The following GPRASP3 variants were observed in gnomAD, a reference collection of about 807,000 sequenced individuals.
GPRASP3 encodes the protein G protein-coupled receptor associated sorting protein 3.
At chrX:102,742,082 A>T in the GPRASP3 span, among the ~76,000 whole-genome samples, 1 of 112,284 alleles carries the variant, frequency 8.9e-6, no homozygotes, top group Non-Finnish European at 1.9e-5. Context: ...AAATGAAGGC[A>T]TGCTTGCTAT....
At chrX:102,738,166 G>T in the GPRASP3 span, among the ~76,000 whole-genome samples, 8 of 112,236 alleles carry the variant, frequency 7.1e-5, no homozygotes, top group Admixed American at 5.6e-4. Flanking sequence ...CAGTTTGGGG[G>T]AATGCATCCA....
chrX:102,752,413 C>T, the GPRASP3 span: 1 of 123,664 alleles, frequency 8.1e-6, no homozygotes, highest in Non-Finnish European at 1.9e-5. Context: ...AACATCTTTG[C>T]ATGTCAATAA....
At chrX:102,734,209 T>C in the GPRASP3 span, among the ~76,000 whole-genome samples, 1 of 112,221 alleles carries the variant, frequency 8.9e-6, no homozygotes, top group Admixed American at 9.4e-5. Context: ...GGGGATATGA[T>C]GGCTTAGCTT....
the GPRASP3 span, among the ~76,000 whole-genome samples, chrX:102,732,403 G>A: frequency 3.6e-5 from 4 of 111,469 alleles, no homozygotes; most frequent in Non-Finnish European, 7.5e-5. Flanking sequence ...CCCTGTAGAA[G>A]GGTGTCTCTT....
the GPRASP3 span, chrX:102,746,181 G>T: frequency 9.0e-6 from 1 of 111,641 alleles, no homozygotes; most frequent in Non-Finnish European, 1.9e-5. Context: ...GAAGGCAAGT[G>T]GGGGTGCGTG....
the GPRASP3 span, among the ~76,000 whole-genome samples, chrX:102,725,025 A>T: frequency 4.5e-4 from 50 of 110,833 alleles, no homozygotes; most frequent in Admixed American, 4.8e-3. Flanking sequence ...CTAATTCTCA[A>T]CTCTGCCCCC....
chrX:102,749,748 C>A, the GPRASP3 span: 2 of 1,211,690 alleles, frequency 1.7e-6, no homozygotes, highest in African/African-American at 1.7e-5. Flanking sequence ...TTCTGGCCTC[C>A]GCTGAAGAAA....
the GPRASP3 span, among the ~76,000 whole-genome samples, chrX:102,727,227 G>A: frequency 7.1e-5 from 8 of 112,617 alleles, no homozygotes; most frequent in Non-Finnish European, 9.4e-5. Context: ...GCTTTTTTCC[G>A]TCTCTTTCTT....
chrX:102,727,893 G>A, the GPRASP3 span, among the ~76,000 whole-genome samples: 1 of 111,825 alleles, frequency 8.9e-6, no homozygotes, highest in Non-Finnish European at 1.9e-5. Context: ...TTATAAAGAC[G>A]TTAAGTACCT....
the GPRASP3 span, among the ~76,000 whole-genome samples, chrX:102,740,701 CCA>C: frequency 7.1e-4 from 78 of 109,948 alleles, no homozygotes; most frequent in Non-Finnish European, 1.3e-3. Context: ...ATTCAGGATA[CCA>C]CAGAGAAGGA....
chrX:102,753,132 C>T, the GPRASP3 span: 1 of 122,142 alleles, frequency 8.2e-6, no homozygotes, highest in African/African-American at 3.3e-5. Flanking sequence ...TCCCCTCTCT[C>T]CCTGTGCCCC....
chrX:102,748,985 G>T, the GPRASP3 span: 2 of 1,197,113 alleles, frequency 1.7e-6, no homozygotes, highest in Non-Finnish European at 2.2e-6. Context: ...CCATATAACT[G>T]GGCTTCAACC....
the GPRASP3 span, among the ~76,000 whole-genome samples, chrX:102,733,205 C>A: frequency 1.8e-5 from 2 of 112,186 alleles, no homozygotes; most frequent in South Asian, 7.3e-4. Flanking sequence ...CCTGTAATCC[C>A]GGCACTTTGG....
chrX:102,720,754 A>C, the GPRASP3 span: 1 of 112,270 alleles, frequency 8.9e-6, no homozygotes, highest in African/African-American at 3.2e-5. Flanking sequence ...CATCCAGAAA[A>C]GACCTGAGAG....
chrX:102,734,624 T>A, the GPRASP3 span, among the ~76,000 whole-genome samples: 1 of 110,551 alleles, frequency 9.0e-6, no homozygotes, highest in Non-Finnish European at 1.9e-5. Flanking sequence ...CTCAAAAAAA[T>A]AATAATAATA....
the GPRASP3 span, among the ~76,000 whole-genome samples, chrX:102,735,799 C>T: frequency 8.9e-6 from 1 of 112,641 alleles, no homozygotes; most frequent in Non-Finnish European, 1.9e-5. Context: ...ATCCTTTAAC[C>T]CTCTAAACTA....
chrX:102,744,495 A>G, the GPRASP3 span, among the ~76,000 whole-genome samples: 2 of 112,062 alleles, frequency 1.8e-5, no homozygotes, highest in African/African-American at 6.5e-5. Flanking sequence ...GTGACATGCA[A>G]TTGAAACTCC....
At chrX:102,750,806 GA>G in the GPRASP3 span, 2 of 342,101 alleles carry the variant, frequency 5.8e-6, no homozygotes, top group African/African-American at 5.4e-5. Flanking sequence ...ACCTTGGGCT[GA>G]AAATGTTTGA....
At chrX:102,727,120 C>A in the GPRASP3 span, among the ~76,000 whole-genome samples, 1 of 112,544 alleles carries the variant, frequency 8.9e-6, no homozygotes, top group Middle Eastern at 4.6e-3. Flanking sequence ...ACAAGGAATT[C>A]AACTAAAACT....
Sources: gnomAD v4.1 joint callset for allele counts (sites outside exome capture counted in the v4.1 genomes callset) on GRCh38, gnomAD v4.1.1 for gene constraint, MANE v1.5 for transcripts, NCBI Gene and HGNC (gene_info 2026-07-23, HGNC 2026-07-21) for gene names.